UBR3: variants seen among roughly 807,000 people sequenced by gnomAD.
UBR3 encodes ubiquitin protein ligase E3 component n-recognin 3, also known as E3 ubiquitin-protein ligase UBR3.
In UBR3, 85 loss-of-function variants were observed where a neutral mutation model predicts 243.2. That is an observed-to-expected ratio of 0.35 (90% confidence interval 0.29 to 0.42). UBR3 has a LOEUF of 0.42. UBR3 is among the 10% of genes least tolerant of loss of function. The pLI is 1.00. For missense variants in UBR3, 1,686 were observed against 2,300.8 expected, an observed-to-expected ratio of 0.73 and a Z score of 5.47; for synonymous variants, 748 against 799.8, an observed-to-expected ratio of 0.94 and a Z score of 1.09.
intron 32 of UBR3, among the ~76,000 whole-genome samples, chr2:170,051,200 A>G (rs748053962): frequency 2.6e-4 from 40 of 152,144 alleles, no homozygotes; most frequent in Admixed American, 9.2e-4. Context: ...CCACAGGTAC[A>G]AAGAGCTGAC....
At chr2:169,910,278 A>C (rs1315729611) in intron 10 of UBR3, among the ~76,000 whole-genome samples, 1 of 152,164 alleles carries the variant, frequency 6.6e-6, no homozygotes, top group Non-Finnish European at 1.5e-5. Flanking sequence ...TTTAGATATT[A>C]AGGACAGGGA....
chr2:169,854,022 G>A (rs1315899035), intron 1 of UBR3, among the ~76,000 whole-genome samples: 1 of 151,940 alleles, frequency 6.6e-6, no homozygotes, highest in Non-Finnish European at 1.5e-5. Flanking sequence ...GGTCTGTTGG[G>A]GTTGGGGGCA....
At chr2:170,035,055 C>T (rs553963703) in intron 31 of UBR3, among the ~76,000 whole-genome samples, 8 of 151,760 alleles carry the variant, frequency 5.3e-5, no homozygotes, top group African/African-American at 1.4e-4. Flanking sequence ...TATATTTATA[C>T]GAGTATTTTA....
chr2:170,030,420 TA>T (rs1046485570), intron 31 of UBR3, among the ~76,000 whole-genome samples: 12 of 152,252 alleles, frequency 7.9e-5, no homozygotes, highest in African/African-American at 2.6e-4. Flanking sequence ...AGTTAGGAAA[TA>T]TTTTTTTAAA....
At chr2:169,912,974 C>T (rs900202523) in intron 10 of UBR3, among the ~76,000 whole-genome samples, 1 of 152,066 alleles carries the variant, frequency 6.6e-6, no homozygotes, top group Admixed American at 6.6e-5. Context: ...TTCGCAGAGA[C>T]AGAGACTTGC....
chr2:169,910,401 A>G (rs1574179327), intron 10 of UBR3, among the ~76,000 whole-genome samples: 2 of 152,256 alleles, frequency 1.3e-5, no homozygotes, highest in East Asian at 3.9e-4. Context: ...TTTTAGGAAG[A>G]TTATTCTGAC....
At chr2:170,080,356 A>G (rs1574492116) in intron 37 of UBR3, 189 bp from the exon 38 acceptor site, 1 of 701,716 alleles carries the variant, frequency 1.4e-6, no homozygotes, top group Non-Finnish European at 2.2e-6. Flanking sequence ...GCTTTACTAG[A>G]TATTCCTTAC....
intron 8 of UBR3, among the ~76,000 whole-genome samples, chr2:169,898,843 A>C (rs1413484020): frequency 1.3e-5 from 2 of 151,612 alleles, no homozygotes; most frequent in Non-Finnish European, 2.9e-5. Context: ...CTGGGACTAC[A>C]GGCACCCACC....
At chr2:169,892,172 G>A (rs558751491) in intron 6 of UBR3, among the ~76,000 whole-genome samples, 1 of 152,292 alleles carries the variant, frequency 6.6e-6, no homozygotes, top group East Asian at 1.9e-4. Context: ...CTAGGAAAGG[G>A]TATGGAATTT....
At chr2:169,991,912 G>A (rs1175683928) in intron 25 of UBR3, among the ~76,000 whole-genome samples, 1 of 152,018 alleles carries the variant, frequency 6.6e-6, no homozygotes, top group East Asian at 1.9e-4. Context: ...CAACCAATGG[G>A]CCAAAGAATA....
intron 25 of UBR3, among the ~76,000 whole-genome samples, chr2:169,990,820 CAATT>C (rs952506368): frequency 6.6e-6 from 1 of 150,956 alleles, no homozygotes; most frequent in Non-Finnish European, 1.5e-5. Context: ...AGGCAGTAAT[CAATT>C]AAAGAAGAAA....
chr2:170,063,913 T>C (rs73975097), intron 35 of UBR3, among the ~76,000 whole-genome samples: 3,303 of 152,274 alleles, frequency 0.022, 111 homozygotes, highest in African/African-American at 0.075. Flanking sequence ...AGCCATAGGA[T>C]ACATTCTACC....
At chr2:169,939,119 C>T (rs1361089136) in intron 19 of UBR3, among the ~76,000 whole-genome samples, 4 of 151,370 alleles carry the variant, frequency 2.6e-5, no homozygotes, top group Non-Finnish European at 5.9e-5. Flanking sequence ...TTTGTGTTTG[C>T]TATTTCTTAT....
chr2:170,064,886 A>G lies in UBR3; in HGVS notation c.5019+3443A>G, dbSNP rs1475196689. ...GAGACAGAGACTCGCTTTGTCGCCC[A>G]GGCTGGAGTGCAGTGGCGCGGTCTC... On this transcript the variant is annotated intron_variant, in intron 35 of 38. Coordinates refer to ENST00000272793, the MANE Select transcript of UBR3 (RefSeq NM_172070.4). Among the ~76,000 whole-genome samples, 5 of 142,804 alleles carry G rather than the reference A, an allele frequency of 3.5e-5. No homozygotes were observed. The South Asian group carries it at 1.1e-3, about 31-fold the overall frequency. 93.7% of individuals were successfully genotyped at this position (142,804 alleles called of 152,430 possible).
intron 37 of UBR3, 64 bp from the exon 38 acceptor site, chr2:170,080,476 ATATAT>A: frequency 2.8e-6 from 4 of 1,407,388 alleles, no homozygotes; most frequent in Non-Finnish European, 3.8e-6. Flanking sequence ...GAAGGCATTA[ATATAT>A]TCTTGATTTT....
chr2:170,049,825 A>G (rs2091175838), intron 32 of UBR3, among the ~76,000 whole-genome samples: 1 of 152,182 alleles, frequency 6.6e-6, no homozygotes, highest in South Asian at 2.1e-4. Context: ...AGCACTATCT[A>G]TCCTAATGCC....
chr2:170,074,589 C>T (rs948306047), intron 36 of UBR3, among the ~76,000 whole-genome samples: 1 of 152,152 alleles, frequency 6.6e-6, no homozygotes, highest in Non-Finnish European at 1.5e-5. Flanking sequence ...TTTTAAACTT[C>T]TAGAACATTA....
intron 5 of UBR3, among the ~76,000 whole-genome samples, chr2:169,888,109 CTTTATTTATTTA>C (rs139609742): frequency 0.41 from 56,770 of 138,518 alleles, 12,832 homozygotes; most frequent in Non-Finnish European, 0.52. Context: ...TGTGTTATGA[CTTTATTTATTTA>C]TTTATTTATT....
At chr2:169,924,357 GT>G (rs762533681) in intron 13 of UBR3, among the ~76,000 whole-genome samples, 184 bp downstream of exon 13, 26 of 151,982 alleles carry the variant, frequency 1.7e-4, no homozygotes, top group Admixed American at 7.9e-4. Flanking sequence ...TTACTTTTTA[GT>G]TTTACTTTTT....
Sources: gnomAD v4.1 joint callset for allele counts (sites outside exome capture counted in the v4.1 genomes callset) on GRCh38, gnomAD v4.1.1 for gene constraint, MANE v1.5 for transcripts, NCBI Gene and HGNC (gene_info 2026-07-23, HGNC 2026-07-21) for gene names.